RNF175: variants seen among roughly 807,000 people sequenced by gnomAD.
RNF175 encodes the protein ring finger protein 175.
A neutral mutation model predicts 50.0 loss-of-function variants in RNF175; 38 were observed. The observed-to-expected ratio is 0.76, with a 90% CI of 0.59 to 1.00. RNF175 has a LOEUF of 1.00. RNF175 is among the 50% of genes least tolerant of loss of function. The pLI, the probability that RNF175 is intolerant of heterozygous loss-of-function variation, is 0.00. For missense variants in RNF175, 388 were observed against 409.6 expected, an observed-to-expected ratio of 0.95 and a Z score of 0.46; for synonymous variants, 155 against 146.1, an observed-to-expected ratio of 1.06 and a Z score of -0.44.
At chr4:153,746,679 A>T (rs1049663538) in intron 3 of RNF175, among the ~76,000 whole-genome samples, 1 of 152,206 alleles carries the variant, frequency 6.6e-6, no homozygotes, top group African/African-American at 2.4e-5. Flanking sequence ...ACTTGGGGGC[A>T]TCCCCACCCC....
In RNF175 at chr4:153,711,391, T is replaced by C. The variant is rs955015753; in HGVS notation, c.867-902A>G. ...CACTGCAGAGGGTGGTCTCTTGCAA[T>C]GGTATGGGCCTTGAGACCCAAAGAT... On this transcript the variant is annotated intron_variant, in intron 8 of 8. Transcript: ENST00000347063. 9.9e-5 allele frequency among the ~76,000 whole-genome samples: 15 copies of C among 151,582 alleles called. 1 individual carries two copies. Among genetic ancestry groups the C allele is most frequent in the Admixed American group, 9.9e-4 (15 of 15,192 alleles).
chr4:153,758,762 C>A (rs1740676546), intron 1 of RNF175, among the ~76,000 whole-genome samples: 1 of 151,786 alleles, frequency 6.6e-6, no homozygotes, highest in South Asian at 2.1e-4. Flanking sequence ...CCATGGCCAT[C>A]CATCCCAATA....
intron 6 of RNF175, among the ~76,000 whole-genome samples, chr4:153,718,238 G>GTTTTTTTTTTTTTT (rs1430601897): frequency 3.7e-5 from 3 of 82,122 alleles, no homozygotes; most frequent in Non-Finnish European, 6.9e-5. Flanking sequence ...TTGTTTGTTT[G>GTTTTTTTTTTTTTT]TTTTTTTTTT....
At chr4:153,749,083 T>G (rs964358330) in intron 2 of RNF175, among the ~76,000 whole-genome samples, 10 of 152,198 alleles carry the variant, frequency 6.6e-5, no homozygotes, top group African/African-American at 2.2e-4. Flanking sequence ...TCTTTTAAGT[T>G]AAGTGATGGG....
intron 1 of RNF175, among the ~76,000 whole-genome samples, chr4:153,759,260 C>G (rs986619723): frequency 6.6e-6 from 1 of 152,226 alleles, no homozygotes; most frequent in Admixed American, 6.5e-5. Flanking sequence ...TCAGGGTACA[C>G]ATCTTGAATC....
At chr4:153,726,782 C>T (rs563137493) in intron 4 of RNF175, among the ~76,000 whole-genome samples, 1 of 152,336 alleles carries the variant, frequency 6.6e-6, no homozygotes, top group South Asian at 2.1e-4. Context: ...CTTCACCTTG[C>T]TCAGTGATGT....
At chr4:153,723,072 C>A in intron 5 of RNF175, 1 of 210,100 alleles carries the variant, frequency 4.8e-6, no homozygotes, top group Non-Finnish European at 9.8e-6. Context: ...ATTACTCTAG[C>A]ACAATTGTAG....
chr4:153,748,577 T>C (rs1740104101), intron 3 of RNF175, 68 bp downstream of exon 3: 2 of 1,411,294 alleles, frequency 1.4e-6, no homozygotes, highest in Admixed American at 2.5e-5. Flanking sequence ...GGAGAACATG[T>C]CCTGGAAAAA....
At chr4:153,748,813 GA>G in intron 2 of RNF175, 27 bp from the exon 3 acceptor site, 2 of 1,590,792 alleles carry the variant, frequency 1.3e-6, no homozygotes, top group Non-Finnish European at 1.7e-6. Flanking sequence ...GAGGTCATCT[GA>G]AAAAGCCCTC....
chr4:153,756,434 T>C (rs1241118670), intron 1 of RNF175, among the ~76,000 whole-genome samples: 1 of 152,104 alleles, frequency 6.6e-6, no homozygotes, highest in East Asian at 1.9e-4. Context: ...TCTCAGTTAA[T>C]AGCATCCTGT....
intron 1 of RNF175, among the ~76,000 whole-genome samples, chr4:153,757,954 T>C (rs1157127914): frequency 2.0e-5 from 3 of 152,158 alleles, no homozygotes; most frequent in African/African-American, 4.8e-5. Flanking sequence ...TAAATATTTA[T>C]TGAGGCCCTG....
chr4:153,750,829 C>T (rs1477202813), intron 2 of RNF175, among the ~76,000 whole-genome samples: 2 of 148,444 alleles, frequency 1.3e-5, no homozygotes, highest in African/African-American at 2.4e-5. Context: ...AGAGTGACTT[C>T]ATCATCAGTC....
At chr4:153,712,608 A>G (rs1205992729) in intron 7 of RNF175, 32 bp from the exon 8 acceptor site, 3 of 1,393,016 alleles carry the variant, frequency 2.2e-6, no homozygotes, top group Non-Finnish European at 3.0e-6. Flanking sequence ...GCTTCTAGAT[A>G]TGAAAAGGCA....
In RNF175 at chr4:153,758,519, C is replaced by T. The variant is rs566718941; in HGVS notation, c.66+1278G>A. Among the ~76,000 whole-genome samples, 37 of 152,262 alleles carry T rather than the reference C, an allele frequency of 2.4e-4. 1 individual carries two copies. The highest frequency in any genetic ancestry group is 2.4e-3 in the Admixed American group (36 of 15,296). On this transcript the variant is annotated intron_variant, in intron 1 of 8. Coordinates refer to ENST00000347063, the MANE Select transcript of RNF175 (RefSeq NM_173662.4). ...AGAGCAAAGATCAGCAGCAAATCCA[C>T]CAGTACTAGATCCTCTGACACTCCT...
At chr4:153,715,368 A>G (rs1406098055) in intron 7 of RNF175, 161 bp downstream of exon 7, 3 of 719,754 alleles carry the variant, frequency 4.2e-6, no homozygotes, top group Non-Finnish European at 7.4e-6. Flanking sequence ...ATTATTCAGC[A>G]GGGACAAACA....
chr4:153,750,912 T>TTAATCTATTAATCTGTTATATGAGAA, intron 2 of RNF175, among the ~76,000 whole-genome samples: 1 of 152,246 alleles, frequency 6.6e-6, no homozygotes, highest in South Asian at 2.1e-4. Flanking sequence ...TTATATGAGA[T>TTAATCTATTAATCTGTTATATGAGAA]TAATCTATAA....
intron 8 of RNF175, 51 bp from the exon 9 acceptor site, chr4:153,710,540 A>G: frequency 6.4e-7 from 1 of 1,559,596 alleles, no homozygotes; most frequent in Non-Finnish European, 8.8e-7. Context: ...TAGCAGAAAT[A>G]TTCATAAATG....
intron 5 of RNF175, 50 bp from the exon 6 acceptor site, chr4:153,720,354 C>T (rs1165880715): frequency 6.5e-7 from 1 of 1,546,214 alleles, no homozygotes; most frequent in South Asian, 1.1e-5. Context: ...TATTTCCAAA[C>T]AGCTGGAGTT....
intron 1 of RNF175, among the ~76,000 whole-genome samples, chr4:153,753,824 G>T (rs1002017960): frequency 6.6e-6 from 1 of 151,714 alleles, no homozygotes. Context: ...CTCTCAAAGT[G>T]CTGGGATTAC....
Sources: gnomAD v4.1 joint callset for allele counts (sites outside exome capture counted in the v4.1 genomes callset) on GRCh38, gnomAD v4.1.1 for gene constraint, MANE v1.5 for transcripts, NCBI Gene and HGNC (gene_info 2026-07-23, HGNC 2026-07-21) for gene names.